MTUS1: variants seen among roughly 807,000 people sequenced by gnomAD.
MTUS1 encodes the protein microtubule associated scaffold protein 1.
In MTUS1, 109 loss-of-function variants were observed where a neutral mutation model predicts 120.8. The ratio of observed to expected loss-of-function variants is 0.90; its 90% CI spans 0.77 to 1.06. The LOEUF (loss-of-function observed/expected upper bound fraction) is 1.06, where lower values mean the gene tolerates loss of function less well. MTUS1 is among the 50% of genes least tolerant of loss of function. The pLI is 0.00. For synonymous variants in MTUS1, 737 were observed against 550.5 expected, an observed-to-expected ratio of 1.34 and a Z score of -4.74; for missense variants, 2,210 against 1,486.3, an observed-to-expected ratio of 1.49 and a Z score of -8.01.
chr8:17,655,547 A>G (rs1158608467), intron 9 of MTUS1, among the ~76,000 whole-genome samples: 1 of 152,132 alleles, frequency 6.6e-6, no homozygotes, highest in African/African-American at 2.4e-5. Context: ...AACATGGTGA[A>G]ACCCCGTCTC....
At chr8:17,766,095 T>C (rs903763663) in intron 1 of MTUS1, among the ~76,000 whole-genome samples, 10 of 152,234 alleles carry the variant, frequency 6.6e-5, no homozygotes, top group Non-Finnish European at 1.2e-4. Flanking sequence ...AGAGGCATTT[T>C]AAGACTGGTT....
chr8:17,647,169 G>A (rs1805995177), intron 13 of MTUS1, 90 bp from the exon 14 acceptor site: 1 of 950,302 alleles, frequency 1.1e-6, no homozygotes, highest in Non-Finnish European at 1.6e-6. Context: ...AGCACACTTT[G>A]GAGATTTAAT....
chr8:17,676,610 A>C, intron 7 of MTUS1: 1 of 438,386 alleles, frequency 2.3e-6, no homozygotes, highest in Non-Finnish European at 4.0e-6. Context: ...CAGGCATTAG[A>C]CTGATCGATT....
intron 2 of MTUS1, chr8:17,748,180 C>G (rs1188078216): frequency 1.3e-5 from 2 of 152,218 alleles, no homozygotes; most frequent in Admixed American, 1.3e-4. Flanking sequence ...TAAGCAGGGT[C>G]AGGCCTGGTT....
chr8:17,722,251 G>A lies in MTUS1; in HGVS notation c.2449+1421C>T, dbSNP rs140965092. On this transcript the variant is annotated intron_variant, in intron 4 of 14. Coordinates refer to ENST00000693296, the MANE Select transcript of MTUS1 (RefSeq NM_001363059.2). The stretch of plus-strand genomic sequence containing the variant: ...CGGTGGCCAAGTCAACATGGATGTC[G>A]ATGGAAAACACGGGGCTGTGGCACT... The A allele has an allele frequency of 8.6e-4, 859 of 994,080 alleles. 5 individuals are homozygous for A. The African/African-American group carries it at 0.014, about 16-fold the overall frequency. 61.6% of individuals were successfully genotyped at this position (994,080 alleles called of 1,614,324 possible). A position where few individuals can be genotyped will look rare whatever the true frequency, so the allele number is the denominator to read the frequency against.
chr8:17,652,823 G>C (rs139881563), intron 12 of MTUS1, among the ~76,000 whole-genome samples: 4,091 of 149,240 alleles, frequency 0.027, 143 homozygotes, highest in South Asian at 0.14. Context: ...GTGACAGAGT[G>C]AGACTCCCTC....
Position 17,684,462 on chromosome 8 carries a change from T to C in MTUS1, c.2704A>G (p.Thr902Ala), listed in dbSNP as rs747468478. ...TAPDALPPEK[T>A]LELTQYKTKC... ...GTTTTATATTGCGTCAATTCAAGTGTTTTCTCAGGGGGCAGCGCATCGGGA... is the reference window on the plus strand; with the variant it reads ...GTTTTATATTGCGTCAATTCAAGTGCTTTCTCAGGGGGCAGCGCATCGGGA... The change falls in exon 7 of 15, where the codon ACA (threonine) becomes GCA (alanine). Residue 902 changes from threonine to alanine, a missense_variant. By Grantham distance (58) the Thr-to-Ala change is moderately conservative (BLOSUM62 0). Coordinates refer to ENST00000693296, the MANE Select transcript of MTUS1 (RefSeq NM_001363059.2). The C allele has an allele frequency of 5.6e-6, 9 of 1,614,040 alleles. No individual in the cohort carries two copies. The African/African-American group carries it at 1.1e-4, about 19-fold the overall frequency.
chr8:17,694,596 A>G (rs546775536), intron 6 of MTUS1, among the ~76,000 whole-genome samples: 1 of 152,170 alleles, frequency 6.6e-6, no homozygotes, highest in South Asian at 2.1e-4. Context: ...TGAACCTGGG[A>G]GGCGGAGGTT....
intron 8 of MTUS1, chr8:17,664,203 T>G (rs1485881578): frequency 2.0e-5 from 3 of 152,326 alleles, no homozygotes; most frequent in African/African-American, 4.8e-5. Flanking sequence ...TCACTTCAAG[T>G]CTTTCCCTTC....
chr8:17,774,320 T>C (rs2050243115), intron 1 of MTUS1, among the ~76,000 whole-genome samples: 1 of 152,226 alleles, frequency 6.6e-6, no homozygotes, highest in Non-Finnish European at 1.5e-5. Flanking sequence ...TTTGTTTCCA[T>C]GTGTCTAAAA....
At chr8:17,758,481 T>G (rs1038415979) in intron 1 of MTUS1, among the ~76,000 whole-genome samples, 3 of 152,260 alleles carry the variant, frequency 2.0e-5, no homozygotes, top group Non-Finnish European at 4.4e-5. Flanking sequence ...ACTGAATAGT[T>G]TATTGGCAAG....
intron 4 of MTUS1, among the ~76,000 whole-genome samples, chr8:17,718,266 C>T (rs1822710075): frequency 6.6e-6 from 1 of 152,184 alleles, no homozygotes; most frequent in Non-Finnish European, 1.5e-5. Flanking sequence ...AATTTTCCCT[C>T]AGCCAGAGTC....
At chr8:17,758,470 C>A (rs1174530288) in intron 1 of MTUS1, among the ~76,000 whole-genome samples, 1 of 152,210 alleles carries the variant, frequency 6.6e-6, no homozygotes, top group African/African-American at 2.4e-5. Flanking sequence ...TTAGTGAAAT[C>A]ACTGAATAGT....
rs554726229 is a variant in MTUS1 at position 17,743,756 on chromosome 8, G to T, written c.2135C>A (p.Ser712Tyr). ...CCTCAAACCGCAGGAGTCAGGCTTG[G>T]ATATATTCCTACCTGAGGTGGTCGT... is the stretch of plus-strand genomic sequence containing the variant. ...KTTTTSGRNI[S>Y]KPDSCGLRQI... is the part of the protein sequence containing the mutation. Residue 712 changes from serine (S) to tyrosine (Y), a missense_variant, in exon 3 of 15, where the codon TCC (serine) becomes TAC (tyrosine). Transcript: ENST00000693296. 1.2e-6 allele frequency: 2 copies of T among 1,613,982 alleles called. No homozygotes were observed. Among genetic ancestry groups the T allele is most frequent in the Admixed American group, 1.7e-5 (1 of 59,998 alleles).
intron 2 of MTUS1, among the ~76,000 whole-genome samples, chr8:17,749,019 C>T (rs554832984): frequency 6.6e-6 from 1 of 152,254 alleles, no homozygotes; most frequent in Non-Finnish European, 1.5e-5. Context: ...CTAAGCCCCC[C>T]AACCATCTGA....
In MTUS1 at chr8:17,684,491, G is replaced by T. The variant is rs756058452; in HGVS notation, c.2675C>A (p.Thr892Lys). 1 of 1,614,146 alleles carries T rather than the reference G, an allele frequency of 6.2e-7. No individual in the cohort carries two copies. Among genetic ancestry groups the T allele is most frequent in the Non-Finnish European group, 8.5e-7 (1 of 1,180,006 alleles). ...CTCAGGGGGCAGCGCATCGGGAGCT[G>T]TCTGTGGCTGGATACATAAGCTTCG... ...NPRSLCIQPQTAPDALPPEKT... is the reference protein window; with the variant it reads ...NPRSLCIQPQKAPDALPPEKT... The change falls in exon 7 of 15, where the codon ACA becomes AAA. Residue 892 changes from threonine (T) to lysine (K), a missense_variant. Thr to Lys is a moderately conservative substitution (Grantham distance 78). Coordinates refer to ENST00000693296, the MANE Select transcript of MTUS1 (RefSeq NM_001363059.2).
chr8:17,720,856 C>A (rs2045783421), intron 4 of MTUS1, among the ~76,000 whole-genome samples: 2 of 152,100 alleles, frequency 1.3e-5, no homozygotes, highest in Non-Finnish European at 1.5e-5. Flanking sequence ...AAATGTTTTA[C>A]ACTAATATCC....
intron 1 of MTUS1, among the ~76,000 whole-genome samples, chr8:17,798,265 G>A (rs1023451174): frequency 6.6e-6 from 1 of 152,092 alleles, no homozygotes; most frequent in Non-Finnish European, 1.5e-5. Context: ...AATTAGTTTT[G>A]CAACAGTCTC....
intron 6 of MTUS1, among the ~76,000 whole-genome samples, chr8:17,690,887 T>C (rs1012083518): frequency 1.3e-5 from 2 of 152,194 alleles, no homozygotes; most frequent in Non-Finnish European, 2.9e-5. Context: ...CAATATTAGA[T>C]ACCTCTAAAA....
Sources: allele counts gnomAD v4.1 joint callset (sites outside exome capture counted in the v4.1 genomes callset), GRCh38; gene constraint gnomAD v4.1.1; transcripts MANE v1.5; gene names NCBI Gene and HGNC (gene_info 2026-07-23, HGNC 2026-07-21).